The following CLSTN2 variants were observed in gnomAD, a reference collection of about 807,000 sequenced individuals.
CLSTN2 encodes calsyntenin 2.
CLSTN2 carries 48 observed loss-of-function variants against 101.2 expected under a neutral mutation model. The observed-to-expected ratio is 0.47, with a 90% CI of 0.38 to 0.60. CLSTN2 has a LOEUF of 0.60. Among genes scored for constraint, CLSTN2 ranks in the 20% least tolerant of loss-of-function variants. The pLI is 0.00. For synonymous variants in CLSTN2, 481 were observed against 463.6 expected (o/e 1.04, Z -0.48); for missense variants, 1,160 against 1,238.2 (o/e 0.94, Z 0.95).
chr3:139,990,914 A>G (rs1436193926), intron 1 of CLSTN2, among the ~76,000 whole-genome samples: 2 of 152,234 alleles, frequency 1.3e-5, no homozygotes, highest in African/African-American at 4.8e-5. Context: ...CTTCATTTTA[A>G]TATTGTCTTA....
chr3:140,394,711 G>A (rs932008508), intron 2 of CLSTN2, among the ~76,000 whole-genome samples: 8 of 152,180 alleles, frequency 5.3e-5, no homozygotes, highest in Admixed American at 2.0e-4. Context: ...GCCCCAGGCA[G>A]GTCAGGGCAC....
chr3:140,036,540 G>T (rs1560075881), intron 1 of CLSTN2, among the ~76,000 whole-genome samples: 1 of 149,548 alleles, frequency 6.7e-6, no homozygotes, highest in Non-Finnish European at 1.5e-5. Context: ...CAGATATGTA[G>T]GTAAAAAGCC....
At chr3:139,970,405 C>T (rs1302090601) in intron 1 of CLSTN2, among the ~76,000 whole-genome samples, 7 of 152,156 alleles carry the variant, frequency 4.6e-5, no homozygotes, top group Non-Finnish European at 7.3e-5. Context: ...TACTTGGCAT[C>T]ATATCTTGGA....
At chr3:140,318,858 T>C (rs2087255979) in intron 2 of CLSTN2, among the ~76,000 whole-genome samples, 1 of 152,192 alleles carries the variant, frequency 6.6e-6, no homozygotes, top group Non-Finnish European at 1.5e-5. Context: ...AACTTTAAAA[T>C]AATTATTATA....
chr3:140,156,771 A>G (rs1428135492), intron 1 of CLSTN2, among the ~76,000 whole-genome samples: 2 of 152,094 alleles, frequency 1.3e-5, no homozygotes, highest in African/African-American at 2.4e-5. Flanking sequence ...TTTTCTCACA[A>G]TTTATTTCTT....
intron 2 of CLSTN2, among the ~76,000 whole-genome samples, chr3:140,208,647 A>G (rs1272535387): frequency 6.6e-6 from 1 of 152,158 alleles, no homozygotes; most frequent in Non-Finnish European, 1.5e-5. Flanking sequence ...TCCAGTGTTC[A>G]TTCAGCACCT....
At chr3:140,319,740 A>C (rs1322417820) in intron 2 of CLSTN2, among the ~76,000 whole-genome samples, 4 of 151,980 alleles carry the variant, frequency 2.6e-5, no homozygotes, top group African/African-American at 4.9e-5. Context: ...ACCATAGATC[A>C]CTCTAATAAT....
At chr3:140,341,384 C>G (rs1458027624) in intron 2 of CLSTN2, among the ~76,000 whole-genome samples, 1 of 152,188 alleles carries the variant, frequency 6.6e-6, no homozygotes, top group Non-Finnish European at 1.5e-5. Flanking sequence ...CCCATGCTGC[C>G]TGCCTTGCAG....
intron 1 of CLSTN2, among the ~76,000 whole-genome samples, chr3:140,066,806 A>G (rs2008306492): frequency 6.6e-6 from 1 of 152,198 alleles, no homozygotes; most frequent in Non-Finnish European, 1.5e-5. Flanking sequence ...GATGCTTAGG[A>G]GTCAGAAAAC....
At chr3:140,413,767 T>A (rs73228977) in intron 4 of CLSTN2, among the ~76,000 whole-genome samples, 6 of 152,262 alleles carry the variant, frequency 3.9e-5, no homozygotes, top group Non-Finnish European at 5.9e-5. Flanking sequence ...TCAGTAAATG[T>A]GATATACTAC....
At chr3:140,009,619 T>C (rs2007031635) in intron 1 of CLSTN2, among the ~76,000 whole-genome samples, 1 of 152,218 alleles carries the variant, frequency 6.6e-6, no homozygotes, top group African/African-American at 2.4e-5. Flanking sequence ...GTTTACATTG[T>C]CTTTTAAAGT....
chr3:139,989,603 C>G (rs547983995), intron 1 of CLSTN2, among the ~76,000 whole-genome samples: 1 of 152,278 alleles, frequency 6.6e-6, no homozygotes, highest in Admixed American at 6.5e-5. Flanking sequence ...ATCCTGGAAC[C>G]TCCCCATGCC....
In CLSTN2 at chr3:140,564,071, G is replaced by C. The variant is rs756270311; in HGVS notation, c.2593G>C (p.Glu865Gln). Residue 865 changes from glutamate to glutamine, a missense_variant, in exon 16 of 17, where the codon GAG becomes CAG. Glu to Gln is a conservative substitution (Grantham distance 29, BLOSUM62 2). Transcript: ENST00000458420. ...GATCGCCCACCAGCACTTCATCCAGGAGACTGAGGCTGCCAAGGAATCTGA... is the reference window on the plus strand; with the variant it reads ...GATCGCCCACCAGCACTTCATCCAGCAGACTGAGGCTGCCAAGGAATCTGA... ...VRIAHQHFIQ[E>Q]TEAAKESEMD... 2 of 1,614,154 alleles carry C rather than the reference G, an allele frequency of 1.2e-6. No homozygotes were observed. The highest frequency in any genetic ancestry group is 2.2e-5 in the East Asian group (1 of 44,878).
At position 140,575,115 on chromosome 3, in the gene CLSTN2, A is replaced by G. The variant is rs1256748034; in HGVS notation, c.*8862A>G. 1.3e-5 allele frequency: 2 copies of G among 152,244 alleles called. No homozygotes were observed. The highest frequency in any genetic ancestry group is 4.8e-5 in the African/African-American group (2 of 41,456). The allele number at this position is 152,244 out of a possible 1,614,324, so 9.4% of individuals were successfully genotyped here. ...ATTCAGAAGAGGTCTGCTCATGTTCACTAGCCAAACTTTAGGTGGTGTGAT... is the reference window on the plus strand; with the variant it reads ...ATTCAGAAGAGGTCTGCTCATGTTCGCTAGCCAAACTTTAGGTGGTGTGAT... On this transcript the variant is annotated 3_prime_UTR_variant, in exon 17 of 17. Coordinates refer to ENST00000458420, the MANE Select transcript of CLSTN2 (RefSeq NM_022131.3).
intron 1 of CLSTN2, among the ~76,000 whole-genome samples, chr3:140,037,563 CTTTTA>C (rs1392218831): frequency 6.8e-6 from 1 of 146,412 alleles, no homozygotes; most frequent in East Asian, 2.0e-4. Flanking sequence ...TTTCATTCAA[CTTTTA>C]TTTTAAGTTC....
At chr3:140,013,129 G>C (rs2007122137) in intron 1 of CLSTN2, among the ~76,000 whole-genome samples, 1 of 152,250 alleles carries the variant, frequency 6.6e-6, no homozygotes, top group Non-Finnish European at 1.5e-5. Context: ...CATCCACCAA[G>C]GAGGATGTGG....
chr3:140,231,648 C>T (rs1160133898), intron 2 of CLSTN2, among the ~76,000 whole-genome samples: 1 of 152,166 alleles, frequency 6.6e-6, no homozygotes, highest in Non-Finnish European at 1.5e-5. Context: ...CACGTTGCTC[C>T]ATTATCTCTT....
intron 2 of CLSTN2, among the ~76,000 whole-genome samples, chr3:140,302,361 T>A (rs1214001147): frequency 6.6e-6 from 1 of 152,194 alleles, no homozygotes; most frequent in Non-Finnish European, 1.5e-5. Context: ...GTTGGGTTTA[T>A]GGACAGAAAA....
chr3:140,229,341 A>C (rs2086351424), intron 2 of CLSTN2, among the ~76,000 whole-genome samples: 1 of 152,176 alleles, frequency 6.6e-6, no homozygotes, highest in African/African-American at 2.4e-5. Flanking sequence ...TTCATTAGCA[A>C]AGTAATAAAA....
Sources: allele counts gnomAD v4.1 joint callset (sites outside exome capture counted in the v4.1 genomes callset), GRCh38; gene constraint gnomAD v4.1.1; transcripts MANE v1.5; gene names NCBI Gene and HGNC (gene_info 2026-07-23, HGNC 2026-07-21).